The following MRPS28 variants were observed in gnomAD, a reference collection of about 807,000 sequenced individuals.
The protein encoded by MRPS28 is small ribosomal subunit protein bS1m.
Under a neutral mutation model 10.8 loss-of-function variants are expected in MRPS28, and 7 were observed. The observed-to-expected ratio is 0.65, with a 90% CI of 0.37 to 1.22. The LOEUF (loss-of-function observed/expected upper bound fraction) is 1.22, where lower values mean the gene tolerates loss of function less well. Among genes scored for constraint, MRPS28 ranks in the 50% most tolerant of loss-of-function variants. MRPS28 has a pLI of 0.02. For missense variants in MRPS28, 265 were observed against 232.9 expected, an observed-to-expected ratio of 1.14 and a Z score of -0.90; for synonymous variants, 121 against 93.3, an observed-to-expected ratio of 1.30 and a Z score of -1.71.
chr8:80,015,689 G>GAGCAAGGATCAGAACCAGATTCAGACAC (rs1809177822), intron 1 of MRPS28, among the ~76,000 whole-genome samples: 1 of 152,144 alleles, frequency 6.6e-6, no homozygotes, highest in Non-Finnish European at 1.5e-5. Flanking sequence ...TGAAGAGACA[G>GAGCAAGGATCAGAACCAGATTCAGACAC]AGCAAGGATC....
chr8:80,002,157 TC>T (rs1808676178), intron 2 of MRPS28, among the ~76,000 whole-genome samples: 1 of 152,142 alleles, frequency 6.6e-6, no homozygotes, highest in Non-Finnish European at 1.5e-5. Context: ...ATAATTGCTC[TC>T]CTAGGTCTAC....
intron 1 of MRPS28, among the ~76,000 whole-genome samples, chr8:80,004,491 A>G (rs1319046887): frequency 6.6e-6 from 1 of 152,228 alleles, no homozygotes; most frequent in Admixed American, 6.5e-5. Context: ...TCTGTACGTC[A>G]CCATCATCAA....
chr8:79,964,483 T>C (rs1247556799), intron 2 of MRPS28, among the ~76,000 whole-genome samples: 1 of 152,082 alleles, frequency 6.6e-6, no homozygotes, highest in African/African-American at 2.4e-5. Context: ...GAAATGTCAT[T>C]TCCCTAAGCC....
intron 2 of MRPS28, among the ~76,000 whole-genome samples, chr8:79,939,748 A>G (rs1806710529): frequency 6.6e-6 from 1 of 152,090 alleles, no homozygotes; most frequent in Non-Finnish European, 1.5e-5. Flanking sequence ...AGGCAGGCGG[A>G]TCACGAGGTC....
chr8:80,023,247 A>G (rs1426780782), intron 1 of MRPS28, among the ~76,000 whole-genome samples: 1 of 152,206 alleles, frequency 6.6e-6, no homozygotes, highest in Non-Finnish European at 1.5e-5. Context: ...TTTACATATC[A>G]AATAGTTTTT....
chr8:80,020,808 G>T (rs925929639), intron 1 of MRPS28, among the ~76,000 whole-genome samples: 7 of 152,282 alleles, frequency 4.6e-5, no homozygotes, highest in South Asian at 2.1e-4. Context: ...CATTTACAGA[G>T]CAGGCCTGAA....
At chr8:80,012,789 A>G (rs1809089492) in intron 1 of MRPS28, among the ~76,000 whole-genome samples, 1 of 152,356 alleles carries the variant, frequency 6.6e-6, no homozygotes, top group East Asian at 1.9e-4. Context: ...CATTTATTCA[A>G]TCATGCATTC....
chr8:79,974,531 ACT>A (rs1317269560), intron 2 of MRPS28, among the ~76,000 whole-genome samples: 1 of 151,776 alleles, frequency 6.6e-6, no homozygotes, highest in Non-Finnish European at 1.5e-5. Context: ...ACAGAGCGAG[ACT>A]CTGTCTCAAA....
intron 2 of MRPS28, among the ~76,000 whole-genome samples, chr8:79,925,754 G>A (rs766724669): frequency 2.6e-4 from 40 of 152,140 alleles, no homozygotes; most frequent in South Asian, 6.2e-4. Flanking sequence ...TTGGGAGACC[G>A]AGGCAGGAGG....
chr8:79,982,709 G>T (rs1808001741), intron 2 of MRPS28, among the ~76,000 whole-genome samples: 1 of 152,192 alleles, frequency 6.6e-6, no homozygotes, highest in Admixed American at 6.5e-5. Context: ...GCGAGGCTGA[G>T]GGACGGGCAC....
intron 2 of MRPS28, among the ~76,000 whole-genome samples, chr8:79,955,143 T>C (rs1194202286): frequency 6.6e-6 from 1 of 152,210 alleles, no homozygotes; most frequent in Non-Finnish European, 1.5e-5. Flanking sequence ...TGCCTTTCTA[T>C]AGACCCAGTT....
At position 79,966,755 on chromosome 8, in the gene MRPS28, T is replaced by G. The variant is rs191020857; in HGVS notation, c.395+36244A>C. Among the ~76,000 whole-genome samples, 33 of 152,284 alleles carry G rather than the reference T, an allele frequency of 2.2e-4. No individual in the cohort carries two copies. The East Asian group carries it at 5.2e-3, about 24-fold the overall frequency. ...CGTCTGGCTTTAGTGCTTTTGTCATTCATAGAATACTCAATTAGCACAGTT... is the reference window on the plus strand; with the variant it reads ...CGTCTGGCTTTAGTGCTTTTGTCATGCATAGAATACTCAATTAGCACAGTT... On this transcript the variant is annotated intron_variant, in intron 2 of 2. Coordinates refer to ENST00000276585, the MANE Select transcript of MRPS28 (RefSeq NM_014018.3).
chr8:79,948,143 A>G (rs1806976079), intron 2 of MRPS28, among the ~76,000 whole-genome samples: 1 of 150,224 alleles, frequency 6.7e-6, no homozygotes, highest in South Asian at 2.1e-4. Context: ...GTGCACCCCA[A>G]CGCCTGGCTA....
chr8:79,987,214 G>A (rs968079237), intron 2 of MRPS28, among the ~76,000 whole-genome samples: 2 of 152,090 alleles, frequency 1.3e-5, no homozygotes, highest in Admixed American at 1.3e-4. Flanking sequence ...GGGAAAACTG[G>A]CTAGCCATAT....
intron 2 of MRPS28, among the ~76,000 whole-genome samples, chr8:79,923,521 T>A (rs1344521152): frequency 6.6e-6 from 1 of 152,220 alleles, no homozygotes; most frequent in Non-Finnish European, 1.5e-5. Context: ...TACTGCCTCA[T>A]GCAATGTTAT....
At chr8:79,930,780 C>T (rs1806441671) in intron 2 of MRPS28, among the ~76,000 whole-genome samples, 1 of 152,146 alleles carries the variant, frequency 6.6e-6, no homozygotes, top group African/African-American at 2.4e-5. Context: ...AGACTGGTAT[C>T]TCTAGGGTGA....
At chr8:79,986,053 T>G (rs527278953) in intron 2 of MRPS28, among the ~76,000 whole-genome samples, 1 of 152,268 alleles carries the variant, frequency 6.6e-6, no homozygotes, top group South Asian at 2.1e-4. Context: ...CTGAATCCAG[T>G]AGCACATCAA....
At chr8:80,023,782 T>C (rs529749362) in intron 1 of MRPS28, among the ~76,000 whole-genome samples, 1 of 152,350 alleles carries the variant, frequency 6.6e-6, no homozygotes, top group Non-Finnish European at 1.5e-5. Context: ...GCTCAACTAT[T>C]GCCACCTTGT....
In MRPS28 at chr8:79,918,831, T is replaced by C; in HGVS notation, c.*149A>G. 1 of 505,636 alleles carries C rather than the reference T, an allele frequency of 2.0e-6. No individual in the cohort carries two copies. The allele number at this position is 505,636 out of a possible 1,614,324, so 31.3% of individuals were successfully genotyped here. A position where few individuals can be genotyped will look rare whatever the true frequency, so the allele number is the denominator to read the frequency against. On this transcript the variant is annotated 3_prime_UTR_variant, in exon 3 of 3. Transcript: ENST00000276585. The stretch of plus-strand genomic sequence containing the variant: ...AACAAGGGGTGGGGGGTGGGAATAT[T>C]GCTAAAGAAAATTCTAATAAGAGTT...
Sources: allele counts gnomAD v4.1 joint callset (sites outside exome capture counted in the v4.1 genomes callset), GRCh38; gene constraint gnomAD v4.1.1; transcripts MANE v1.5; gene names NCBI Gene and HGNC (gene_info 2026-07-23, HGNC 2026-07-21).